Variants in CLYBL observed in about 807,000 individuals in gnomAD.
CLYBL encodes the protein citramalyl-CoA lyase.
In CLYBL, 31 loss-of-function variants were observed where a neutral mutation model predicts 38.9. The observed-to-expected ratio is 0.80, with a 90% CI of 0.60 to 1.08. CLYBL has a LOEUF of 1.08. Among genes scored for constraint, CLYBL ranks in the 50% least tolerant of loss-of-function variants. CLYBL has a pLI of 0.00. For synonymous variants in CLYBL, 171 were observed against 158.6 expected (o/e 1.08, Z -0.59); for missense variants, 434 against 411.6 (o/e 1.05, Z -0.47).
intron 1 of CLYBL, among the ~76,000 whole-genome samples, chr13:99,695,472 C>T (rs903826905): frequency 2.0e-5 from 3 of 152,072 alleles, no homozygotes; most frequent in South Asian, 2.1e-4. Flanking sequence ...GCGTAATAAA[C>T]TTAGCAAGCC....
chr13:99,719,134 G>A (rs1314323036), intron 1 of CLYBL, among the ~76,000 whole-genome samples: 1 of 149,910 alleles, frequency 6.7e-6, no homozygotes, highest in Admixed American at 6.7e-5. Flanking sequence ...TTACAGGCAT[G>A]AACCACCACA....
intron 1 of CLYBL, among the ~76,000 whole-genome samples, chr13:99,609,102 A>G (rs2046583449): frequency 6.7e-6 from 1 of 149,744 alleles, no homozygotes; most frequent in African/African-American, 2.5e-5. Context: ...GGAACCCCAC[A>G]GGTCTTTGAG....
Position 99,808,654 on chromosome 13 carries a change from T to C in CLYBL, c.249+35644T>C, listed in dbSNP as rs573484335. 9.8e-5 allele frequency among the ~76,000 whole-genome samples: 15 copies of C among 152,356 alleles called. No individual in the cohort carries two copies. The South Asian group carries it at 3.1e-3, about 32-fold the overall frequency. ...AGTCGTAAATGGTGCCAATTGAGGT[T>C]TCAACTTGTTTAGATATATTCAACC... On this transcript the variant is annotated intron_variant, in intron 2 of 8. Transcript: ENST00000339105.
chr13:99,828,874 A>G (rs1344082959), intron 2 of CLYBL, among the ~76,000 whole-genome samples: 3 of 152,142 alleles, frequency 2.0e-5, no homozygotes, highest in African/African-American at 7.2e-5. Flanking sequence ...ACGGTGTCCA[A>G]AAATTGGCTT....
intron 6 of CLYBL, among the ~76,000 whole-genome samples, chr13:99,870,466 G>GTCATT (rs750948529): frequency 0.029 from 4,467 of 152,210 alleles, no homozygotes; most frequent in Non-Finnish European, 0.045. Context: ...AAAACCAGCA[G>GTCATT]ACCATTTCTA....
chr13:99,607,691 A>G (rs1044914256), intron 1 of CLYBL, among the ~76,000 whole-genome samples: 13 of 152,240 alleles, frequency 8.5e-5, no homozygotes, highest in Admixed American at 3.3e-4. Context: ...CAGTAATGAG[A>G]GAGTTTGGTT....
At chr13:99,790,626 A>G (rs969769471) in intron 2 of CLYBL, among the ~76,000 whole-genome samples, 1 of 152,124 alleles carries the variant, frequency 6.6e-6, no homozygotes, top group African/African-American at 2.4e-5. Flanking sequence ...TTTTCTGTCA[A>G]TACCCACTTC....
chr13:99,729,428 GC>G (rs1479498815), intron 1 of CLYBL, among the ~76,000 whole-genome samples: 1 of 152,152 alleles, frequency 6.6e-6, no homozygotes, highest in Non-Finnish European at 1.5e-5. Flanking sequence ...GGTGGTGGCA[GC>G]CAGAGATAAA....
In CLYBL at chr13:99,673,269, C is replaced by T. The variant is rs532258548; in HGVS notation, c.62+66512C>T. Among the ~76,000 whole-genome samples the T allele has an allele frequency of 7.2e-5, 11 of 152,082 alleles. No homozygotes were observed. In the East Asian group the frequency reaches 9.7e-4, roughly 13 times the overall value. ...TTCTATTAAAAATACAAAAATTAGCCGGGCATGGTGGCGCACACCTGTAAT... is the reference window on the plus strand; with the variant it reads ...TTCTATTAAAAATACAAAAATTAGCTGGGCATGGTGGCGCACACCTGTAAT... On this transcript the variant is annotated intron_variant, in intron 1 of 8. Coordinates refer to ENST00000339105, the MANE Select transcript of CLYBL (RefSeq NM_206808.5).
At chr13:99,789,762 T>G (rs1434276131) in intron 2 of CLYBL, among the ~76,000 whole-genome samples, 1 of 152,214 alleles carries the variant, frequency 6.6e-6, no homozygotes, top group Non-Finnish European at 1.5e-5. Context: ...TTGTTAACTT[T>G]CTGTCTCGTT....
rs73564205 is a variant in CLYBL at position 99,642,283 on chromosome 13, C to T, written c.62+35526C>T. Among the ~76,000 whole-genome samples, 1,036 of 152,206 alleles carry T rather than the reference C, an allele frequency of 6.8e-3. 7 individuals are homozygous for T. The highest frequency in any genetic ancestry group is 0.024 in the African/African-American group (995 of 41,518). On this transcript the variant is annotated intron_variant, in intron 1 of 8. Coordinates refer to ENST00000339105, the MANE Select transcript of CLYBL (RefSeq NM_206808.5). Reference sequence around the variant, plus strand: ...CTCTAGTGAGGGTGACCCTGGGCACCGAGCATATTCAGTCACCATCAGCCA... The same window carrying T: ...CTCTAGTGAGGGTGACCCTGGGCACTGAGCATATTCAGTCACCATCAGCCA...
At chr13:99,842,966 C>T (rs2051120007) in intron 2 of CLYBL, among the ~76,000 whole-genome samples, 1 of 152,130 alleles carries the variant, frequency 6.6e-6, no homozygotes. Flanking sequence ...CATTTATTAA[C>T]CACTTACGTT....
intron 2 of CLYBL, among the ~76,000 whole-genome samples, chr13:99,794,377 A>C: frequency 6.6e-6 from 1 of 152,038 alleles, no homozygotes. Context: ...CCAAGATTGC[A>C]CCACTGCACT....
chr13:99,667,831 A>G (rs2047505676), intron 1 of CLYBL, among the ~76,000 whole-genome samples: 1 of 152,194 alleles, frequency 6.6e-6, no homozygotes, highest in Non-Finnish European at 1.5e-5. Flanking sequence ...CCAATTGGCA[A>G]ATGGTCTGTT....
chr13:99,754,881 C>G (rs1043629626), intron 1 of CLYBL, among the ~76,000 whole-genome samples: 1 of 151,098 alleles, frequency 6.6e-6, no homozygotes, highest in Non-Finnish European at 1.5e-5. Flanking sequence ...CATGAGCCAC[C>G]CCACCCAGCC....
Position 99,796,242 on chromosome 13 carries a change from G to A in CLYBL, c.249+23232G>A, listed in dbSNP as rs1285416053. Among the ~76,000 whole-genome samples the A allele has an allele frequency of 4.6e-5, 7 of 152,230 alleles. No homozygotes were observed. In the East Asian group the frequency reaches 1.4e-3, roughly 29 times the overall value. ...GCATGCCATCAGCCTTCAACTTTGA[G>A]GGCCACAGGTGGGGTGGGCACTAAC... On this transcript the variant is annotated intron_variant, in intron 2 of 8. Transcript: ENST00000339105.
chr13:99,900,906 A>G (rs11617041), downstream of CLYBL, among the ~76,000 whole-genome samples: 80,469 of 152,124 alleles, frequency 0.53, 22,556 homozygotes, highest in Non-Finnish European at 0.63. Flanking sequence ...AAACACAGCC[A>G]GGAAGCTCTG....
intron 7 of CLYBL, among the ~76,000 whole-genome samples, chr13:99,890,504 C>T (rs1379494204): frequency 6.6e-6 from 1 of 152,130 alleles, no homozygotes; most frequent in African/African-American, 2.4e-5. Context: ...CCCGCTCTGT[C>T]ACTCATGCTG....
At chr13:99,812,892 C>T (rs1285196445) in intron 2 of CLYBL, among the ~76,000 whole-genome samples, 2 of 152,214 alleles carry the variant, frequency 1.3e-5, no homozygotes, top group Non-Finnish European at 2.9e-5. Context: ...ATATCACATA[C>T]TGCTGAAATT....
Sources: gnomAD v4.1 joint callset for allele counts (sites outside exome capture counted in the v4.1 genomes callset) on GRCh38, gnomAD v4.1.1 for gene constraint, MANE v1.5 for transcripts, NCBI Gene and HGNC (gene_info 2026-07-23, HGNC 2026-07-21) for gene names.